Variants in PTK2 observed in about 807,000 individuals in gnomAD.
The protein encoded by PTK2 is protein tyrosine kinase 2, also known as focal adhesion kinase 1.
PTK2 carries 45 observed loss-of-function variants against 150.1 expected under a neutral mutation model. The ratio of observed to expected loss-of-function variants is 0.30; its 90% CI spans 0.24 to 0.38. The LOEUF is 0.38. Ranked by LOEUF, PTK2 falls within the 10% of genes least tolerant of loss-of-function variation. PTK2 has a pLI of 1.00. For missense variants in PTK2, 919 were observed against 1,307.3 expected (o/e 0.70, Z 4.58); for synonymous variants, 432 against 449.2 (o/e 0.96, Z 0.48).
chr8:140,916,368 C>T lies in PTK2; in HGVS notation c.-33+9293G>A, dbSNP rs114368951. Among the ~76,000 whole-genome samples the T allele has an allele frequency of 6.3e-3, 961 of 152,334 alleles. 14 individuals carry two copies. The highest frequency in any genetic ancestry group is 0.021 in the African/African-American group (878 of 41,578). ...AGAACTGGAAAGATAGCCATAACCC[C>T]GTATTCACTCTGTTCCAGCCACAAT... On this transcript the variant is annotated intron_variant, in intron 2 of 31. Transcript: ENST00000522684.
chr8:140,905,664 A>G (rs533382592), intron 2 of PTK2, among the ~76,000 whole-genome samples: 1 of 152,342 alleles, frequency 6.6e-6, no homozygotes, highest in South Asian at 2.1e-4. Flanking sequence ...TCAGCTCTGG[A>G]CCAAGCGGAC....
At chr8:140,994,818 C>G (rs1012999367) in intron 1 of PTK2, among the ~76,000 whole-genome samples, 6 of 152,186 alleles carry the variant, frequency 3.9e-5, no homozygotes, top group African/African-American at 1.4e-4. Context: ...AAAAATACTG[C>G]AATTAGAACA....
intron 1 of PTK2, among the ~76,000 whole-genome samples, chr8:140,967,084 C>G (rs970011240): frequency 6.6e-6 from 1 of 152,142 alleles, no homozygotes; most frequent in Admixed American, 6.5e-5. Flanking sequence ...TAACTGGTTA[C>G]TATAATTGTT....
At chr8:140,746,918 G>A in intron 17 of PTK2, 58 bp from the exon 21 acceptor site, 2 of 1,123,638 alleles carry the variant, frequency 1.8e-6, no homozygotes, top group South Asian at 1.5e-5. Flanking sequence ...TTTAGACGGA[G>A]TCTCATTCTG....
intron 2 of PTK2, among the ~76,000 whole-genome samples, chr8:140,907,338 T>C (rs1341228157): frequency 2.0e-5 from 3 of 152,238 alleles, no homozygotes; most frequent in South Asian, 2.1e-4. Flanking sequence ...TACTCACTGG[T>C]TGAACATCCC....
At chr8:140,767,912 C>T (rs1057009816) in intron 14 of PTK2, among the ~76,000 whole-genome samples, 1 of 151,976 alleles carries the variant, frequency 6.6e-6, no homozygotes, top group African/African-American at 2.4e-5. Context: ...CAGTCTGAAA[C>T]TTCCTGGGCC....
chr8:140,986,750 C>A (rs906189029), intron 1 of PTK2, among the ~76,000 whole-genome samples: 1 of 152,156 alleles, frequency 6.6e-6, no homozygotes, highest in Non-Finnish European at 1.5e-5. Context: ...GCCTTGAATT[C>A]GGTTTAAGGA....
intron 22 of PTK2, 58 bp downstream of exon 25, chr8:140,735,190 AAGG>A: frequency 4.0e-6 from 6 of 1,481,868 alleles, no homozygotes; most frequent in South Asian, 3.5e-5. Flanking sequence ...CTATTACTGC[AAGG>A]AGGAGAAGCA....
intron 16 of PTK2, among the ~76,000 whole-genome samples, chr8:140,756,364 T>C (rs912601259): frequency 5.3e-5 from 8 of 149,860 alleles, no homozygotes; most frequent in African/African-American, 2.0e-4. Context: ...AAAATGTGAA[T>C]CCTTGGGGAC....
intron 7 of PTK2, among the ~76,000 whole-genome samples, chr8:140,841,172 A>C (rs1020821535): frequency 6.6e-6 from 1 of 152,198 alleles, no homozygotes; most frequent in Non-Finnish European, 1.5e-5. Flanking sequence ...TTTGAATCAC[A>C]CTAAAACATT....
intron 5 of PTK2, among the ~76,000 whole-genome samples, chr8:140,848,351 C>G (rs2100126953): frequency 6.6e-6 from 1 of 152,210 alleles, no homozygotes; most frequent in Non-Finnish European, 1.5e-5. Context: ...CAGTGGACAA[C>G]TATGTGCTAT....
chr8:140,794,115 C>A (rs1213063452), intron 12 of PTK2, among the ~76,000 whole-genome samples: 1 of 152,154 alleles, frequency 6.6e-6, no homozygotes, highest in Non-Finnish European at 1.5e-5. Context: ...TGTAACAGCC[C>A]CCTAATTGGT....
rs1323565214 is a variant in PTK2, at chr8:140,702,533, T to G, written c.2367+37A>C. Reference sequence around the variant, plus strand: ...CCATGCCCAGCTTTGCCATGCTTTATAAGTTAACAAACTGAAGCCCAAGAC... The same window carrying G: ...CCATGCCCAGCTTTGCCATGCTTTAGAAGTTAACAAACTGAAGCCCAAGAC... On this transcript the variant is annotated intron_variant, in intron 25 of 31. Coordinates refer to ENST00000522684, the Ensembl canonical transcript of PTK2. The G allele has an allele frequency of 1.9e-6, 3 of 1,607,966 alleles. No individual in the cohort carries two copies. In the South Asian group the frequency reaches 3.3e-5, roughly 18 times the overall value.
At chr8:140,674,200 G>T (rs756090850) in intron 29 of PTK2, 98 bp downstream of exon 32, 1 of 1,226,778 alleles carries the variant, frequency 8.2e-7, no homozygotes, top group Non-Finnish European at 1.2e-6. Flanking sequence ...TCTATTTTCA[G>T]CACCAACTCC....
intron 27 of PTK2, among the ~76,000 whole-genome samples, chr8:140,677,135 G>C (rs865797385): frequency 4.6e-5 from 7 of 152,176 alleles, no homozygotes; most frequent in Admixed American, 2.0e-4. Context: ...GACCTCTAAA[G>C]GGTTTAAAAT....
intron 2 of PTK2, among the ~76,000 whole-genome samples, chr8:140,907,046 TC>T (rs1308467267): frequency 6.6e-6 from 1 of 152,214 alleles, no homozygotes; most frequent in African/African-American, 2.4e-5. Context: ...TCTCACTGTT[TC>T]CACTATTTTC....
intron 2 of PTK2, among the ~76,000 whole-genome samples, chr8:140,896,793 G>C (rs1412086101): frequency 8.0e-6 from 1 of 124,744 alleles, no homozygotes; most frequent in Non-Finnish European, 2.0e-5. Context: ...AAAAACGGGG[G>C]GGGGGGGTGG....
rs1157896843 is a variant in PTK2, at chr8:140,771,811, G to A, written c.1178-7521C>T. Among the ~76,000 whole-genome samples, 7 of 141,794 alleles carry A rather than the reference G, an allele frequency of 4.9e-5. No individual in the cohort carries two copies. The East Asian group carries it at 1.4e-3, about 29-fold the overall frequency. 93.0% of individuals were successfully genotyped at this position (141,794 alleles called of 152,430 possible). A position where few individuals can be genotyped will look rare whatever the true frequency, so the allele number is the denominator to read the frequency against. Reference sequence around the variant, plus strand: ...TTTTTTTTTTTTGAGACAAAGTCTCGCTCTTCTCCCCCAAGCTGGAGTGCA... The same window carrying A: ...TTTTTTTTTTTTGAGACAAAGTCTCACTCTTCTCCCCCAAGCTGGAGTGCA... On this transcript the variant is annotated intron_variant, in intron 14 of 31. Transcript: ENST00000522684.
chr8:140,847,897 T>C (rs1179528219), intron 5 of PTK2, among the ~76,000 whole-genome samples: 1 of 152,164 alleles, frequency 6.6e-6, no homozygotes, highest in Non-Finnish European at 1.5e-5. Flanking sequence ...CCAATCTTTG[T>C]CTACTTCATA....
Sources: allele counts gnomAD v4.1 joint callset (sites outside exome capture counted in the v4.1 genomes callset), GRCh38; gene constraint gnomAD v4.1.1; transcripts MANE v1.5; gene names NCBI Gene and HGNC (gene_info 2026-07-23, HGNC 2026-07-21).